Variants in PCGF3 observed in about 807,000 individuals in gnomAD.
The protein encoded by PCGF3 is polycomb group ring finger 3.
A neutral mutation model predicts 33.1 loss-of-function variants in PCGF3; 7 were observed. The observed-to-expected ratio is 0.21, with a 90% CI of 0.12 to 0.40. PCGF3 has a LOEUF of 0.40. Ranked by LOEUF, PCGF3 falls within the 10% of genes least tolerant of loss-of-function variation. The pLI is 1.00. For missense variants in PCGF3, 211 were observed against 313.3 expected, an observed-to-expected ratio of 0.67 and a Z score of 2.46; for synonymous variants, 153 against 121.3, an observed-to-expected ratio of 1.26 and a Z score of -1.72.
chr4:733,915 A>T, intron 4 of PCGF3, 126 bp downstream of exon 4: 2 of 1,572,400 alleles, frequency 1.3e-6, no homozygotes, highest in Non-Finnish European at 1.7e-6. Context: ...AACCAGGACC[A>T]GGGGCAGAGA....
chr4:763,439 C>T (rs999796217), intron 9 of PCGF3, among the ~76,000 whole-genome samples: 1 of 152,160 alleles, frequency 6.6e-6, no homozygotes, highest in East Asian at 1.9e-4. Context: ...GCCACTCAGG[C>T]AGGTGGGGCT....
intron 3 of PCGF3, among the ~76,000 whole-genome samples, chr4:732,685 G>A (rs146504370): frequency 6.6e-6 from 1 of 152,280 alleles, no homozygotes; most frequent in African/African-American, 2.4e-5. Flanking sequence ...TCTTGGTGGC[G>A]GTGATGACGG....
rs1744212974 is a variant in PCGF3, at chr4:744,136, A to G, written c.374-464A>G. Among the ~76,000 whole-genome samples the G allele has an allele frequency of 2.0e-5, 3 of 152,190 alleles. No individual in the cohort carries two copies. The South Asian group carries it at 6.2e-4, about 31-fold the overall frequency. ...TTTGCGGGTCCCAGGAAGCACAGCC[A>G]TGAGGCGTGGTTAGGAAGCGAGTCT... On this transcript the variant is annotated intron_variant, in intron 7 of 10. Transcript: ENST00000362003.
intron 9 of PCGF3, 49 bp downstream of exon 9, chr4:761,465 C>T (rs746172412): frequency 1.3e-6 from 2 of 1,495,762 alleles, no homozygotes; most frequent in Non-Finnish European, 1.8e-6. Flanking sequence ...TCTCTTATTT[C>T]TAAAGGTAAC....
rs1317741877 is a variant in PCGF3 at position 721,839 on chromosome 4, A to G, written c.-189-8791A>G. Among the ~76,000 whole-genome samples the G allele has an allele frequency of 3.2e-4, 39 of 120,610 alleles. No individual in the cohort carries two copies. The highest frequency in any genetic ancestry group is 1.2e-3 in the African/African-American group (36 of 29,222). 79.1% of individuals were successfully genotyped at this position (120,610 alleles called of 152,430 possible). A position where few individuals can be genotyped will look rare whatever the true frequency, so the allele number is the denominator to read the frequency against. On this transcript the variant is annotated intron_variant, in intron 1 of 10. Coordinates refer to ENST00000362003, the Ensembl canonical transcript of PCGF3. This position sits in a 1 kb window ranked among gnomAD's most constrained non-coding sequence, Gnocchi z 4.1. ...GAGGTGGGTGGATGGGTGTCTCTGC[A>G]TGTGGGTGTGGAAAGAGGCCTGTGG...
At chr4:758,003 C>G (rs1255848199) in intron 8 of PCGF3, among the ~76,000 whole-genome samples, 2 of 151,880 alleles carry the variant, frequency 1.3e-5, no homozygotes, top group Non-Finnish European at 2.9e-5. Context: ...CCCGTCTCTA[C>G]TAAAATACAA....
At chr4:717,533 C>T (rs1308628995) in intron 1 of PCGF3, among the ~76,000 whole-genome samples, 8 of 152,212 alleles carry the variant, frequency 5.3e-5, no homozygotes, top group Admixed American at 5.2e-4. Flanking sequence ...GTGCTTCCCA[C>T]CACACCCAGC....
chr4:737,748 T>C (rs1160985924), intron 6 of PCGF3, among the ~76,000 whole-genome samples: 1 of 152,236 alleles, frequency 6.6e-6, no homozygotes, highest in African/African-American at 2.4e-5. Flanking sequence ...TCAGCAAGTA[T>C]GGATCGCATG....
intron 8 of PCGF3, among the ~76,000 whole-genome samples, chr4:755,086 C>T (rs1418301363): frequency 1.3e-5 from 2 of 152,248 alleles, no homozygotes; most frequent in Admixed American, 6.5e-5. Context: ...AGGTGTGTAA[C>T]GTACCCGCTT....
intron 1 of PCGF3, among the ~76,000 whole-genome samples, chr4:730,016 G>A (rs139155358): frequency 3.9e-5 from 6 of 152,162 alleles, no homozygotes; most frequent in Non-Finnish European, 8.8e-5. Context: ...CCCTGGTCCC[G>A]GGTGGGGACT....
At chr4:753,655 A>AG (rs1239028527) in intron 8 of PCGF3, among the ~76,000 whole-genome samples, 5 of 150,986 alleles carry the variant, frequency 3.3e-5, no homozygotes. Context: ...AAAAAAAAAA[A>AG]AAGAAGACTG....
chr4:713,855 G>T (rs1038575762), intron 1 of PCGF3, among the ~76,000 whole-genome samples: 16 of 152,178 alleles, frequency 1.1e-4, no homozygotes, highest in Non-Finnish European at 1.6e-4. Flanking sequence ...AGGCATCATT[G>T]GAATGTGGGG....
chr4:758,123 G>C lies in PCGF3; in HGVS notation c.463-3156G>C, dbSNP rs528106976. Reference sequence around the variant, plus strand: ...GCGGAGGTTGCAGTGAGCCGAGATCGTGCCACGGCATCCAGCCTGGCTACA... The same window carrying C: ...GCGGAGGTTGCAGTGAGCCGAGATCCTGCCACGGCATCCAGCCTGGCTACA... On this transcript the variant is annotated intron_variant, in intron 8 of 10. Transcript: ENST00000362003. Among the ~76,000 whole-genome samples the C allele has an allele frequency of 7.7e-5, 11 of 143,662 alleles. No individual in the cohort carries two copies. The South Asian group carries it at 2.4e-3, about 31-fold the overall frequency. The allele number at this position is 143,662 out of a possible 152,430, so 94.2% of individuals were successfully genotyped here. A position where few individuals can be genotyped will look rare whatever the true frequency, so the allele number is the denominator to read the frequency against.
In PCGF3 at chr4:764,945, G is replaced by A. The variant is rs768608669; in HGVS notation, c.601-39G>A. The A allele has an allele frequency of 2.5e-5, 36 of 1,455,112 alleles. No individual in the cohort carries two copies. The East Asian group carries it at 6.8e-4, about 28-fold the overall frequency. 90.1% of individuals were successfully genotyped at this position (1,455,112 alleles called of 1,614,324 possible). A position where few individuals can be genotyped will look rare whatever the true frequency, so the allele number is the denominator to read the frequency against. ...AGGTGGCCATGTCAGTGTGGGTTGA[G>A]CACCTCTCCGCTGCTAATCAAACCT... On this transcript the variant is annotated intron_variant, in intron 9 of 10. Transcript: ENST00000362003.
intron 8 of PCGF3, among the ~76,000 whole-genome samples, chr4:755,830 A>T (rs190908675): frequency 2.7e-4 from 38 of 142,924 alleles, no homozygotes; most frequent in Admixed American, 2.0e-3. Flanking sequence ...AATTGCAATG[A>T]TTTATTTTAC....
intron 8 of PCGF3, among the ~76,000 whole-genome samples, chr4:758,236 C>T (rs1467499337): frequency 6.6e-6 from 1 of 151,976 alleles, no homozygotes; most frequent in African/African-American, 2.4e-5. Context: ...GCACAAGCAC[C>T]CCCACCGCGG....
chr4:752,587 TG>T (rs144050678), intron 8 of PCGF3, among the ~76,000 whole-genome samples: 12 of 150,582 alleles, frequency 8.0e-5, no homozygotes. Context: ...AGGAGTGAGG[TG>T]GGGGACGGGC....
chr4:744,489 A>G (rs1003200500), intron 7 of PCGF3, 111 bp from the exon 8 acceptor site: 4 of 787,926 alleles, frequency 5.1e-6, no homozygotes, highest in Non-Finnish European at 8.4e-6. Context: ...CCGGGGGTCC[A>G]GAGTCTCTTA....
chr4:722,110 G>A (rs1445495484), intron 1 of PCGF3, among the ~76,000 whole-genome samples: 1 of 152,176 alleles, frequency 6.6e-6, no homozygotes, highest in Non-Finnish European at 1.5e-5. Flanking sequence ...CAGCATCTGT[G>A]TGTATGCAGT....
Sources: gnomAD v4.1 joint callset for allele counts (sites outside exome capture counted in the v4.1 genomes callset) on GRCh38, gnomAD v4.1.1 for gene constraint, Gnocchi (gnomAD v3.1) non-coding constraint, MANE v1.5 for transcripts, NCBI Gene and HGNC (gene_info 2026-07-23, HGNC 2026-07-21) for gene names.